NALF1: variants seen among roughly 807,000 people sequenced by gnomAD.
NALF1 encodes the protein NALCN channel auxiliary factor 1, also known as family with sequence similarity 155 member A.
NALF1 carries 3 observed loss-of-function variants against 48.4 expected under a neutral mutation model. That is an observed-to-expected ratio of 0.06 (90% CI 0.03 to 0.16). The LOEUF (loss-of-function observed/expected upper bound fraction) is 0.16. NALF1 is among the 10% of genes least tolerant of loss of function. The pLI is 1.00. For synonymous variants in NALF1, 262 were observed against 245.7 expected (o/e 1.07, Z -0.62); for missense variants, 526 against 571.5 (o/e 0.92, Z 0.81).
intron 1 of NALF1, among the ~76,000 whole-genome samples, chr13:107,846,335 A>T (rs1157266925): frequency 6.6e-6 from 1 of 152,210 alleles, no homozygotes; most frequent in African/African-American, 2.4e-5. Flanking sequence ...GCACTGCTGA[A>T]CCACAAAAGG....
chr13:107,469,887 G>A (rs1594080183), intron 1 of NALF1, among the ~76,000 whole-genome samples: 1 of 151,844 alleles, frequency 6.6e-6, no homozygotes, highest in African/African-American at 2.4e-5. Context: ...GGGACTACAG[G>A]TGCCTGCCAC....
chr13:107,190,733 T>C (rs946760182), intron 2 of NALF1, among the ~76,000 whole-genome samples: 2 of 152,206 alleles, frequency 1.3e-5, no homozygotes, highest in African/African-American at 2.4e-5. Flanking sequence ...AATAATCTGT[T>C]ACCTTTATTT....
At chr13:107,692,359 A>G (rs909822929) in intron 1 of NALF1, among the ~76,000 whole-genome samples, 1 of 149,192 alleles carries the variant, frequency 6.7e-6, no homozygotes, top group Non-Finnish European at 1.5e-5. Context: ...GTTCTGTGTG[A>G]AAAAAAAATG....
intron 1 of NALF1, among the ~76,000 whole-genome samples, chr13:107,417,177 T>C (rs1054377382): frequency 6.6e-6 from 1 of 152,260 alleles, no homozygotes; most frequent in Non-Finnish European, 1.5e-5. Flanking sequence ...TTTCTAATAA[T>C]GCAGAAGTTT....
chr13:107,666,445 A>G (rs765252362), intron 1 of NALF1, among the ~76,000 whole-genome samples: 11 of 152,142 alleles, frequency 7.2e-5, no homozygotes, highest in South Asian at 2.1e-4. Flanking sequence ...TCTTTATTAC[A>G]CTTGTTTAAC....
chr13:107,291,077 T>G (rs1881611541), intron 1 of NALF1, among the ~76,000 whole-genome samples: 1 of 151,024 alleles, frequency 6.6e-6, no homozygotes, highest in African/African-American at 2.4e-5. Flanking sequence ...CATTTCTTTC[T>G]CCTTAGGCAG....
intron 1 of NALF1, among the ~76,000 whole-genome samples, chr13:107,556,393 C>G (rs1877483942): frequency 6.6e-6 from 1 of 150,496 alleles, no homozygotes; most frequent in South Asian, 2.1e-4. Flanking sequence ...ATATTTGGAT[C>G]AGAACTTTTT....
At chr13:107,819,344 A>G (rs1879285535) in intron 1 of NALF1, among the ~76,000 whole-genome samples, 1 of 152,184 alleles carries the variant, frequency 6.6e-6, no homozygotes, top group South Asian at 2.1e-4. Context: ...TAAGCAAATT[A>G]ATGATTACAT....
At chr13:107,204,208 C>A (rs1424112456) in intron 2 of NALF1, among the ~76,000 whole-genome samples, 10 of 152,158 alleles carry the variant, frequency 6.6e-5, no homozygotes, top group Non-Finnish European at 1.5e-4. Context: ...ACAAGTGTCA[C>A]CCAGGTGAGC....
In NALF1 at chr13:107,215,519, A is replaced by T. The variant is rs549745910; in HGVS notation, c.916-4764T>A. Among the ~76,000 whole-genome samples the T allele has an allele frequency of 2.6e-5, 4 of 151,444 alleles. No individual in the cohort carries two copies. In the South Asian group the frequency reaches 6.2e-4, roughly 24 times the overall value. ...CTCTTAATGAAGATTTTTTTTTTTT[A>T]AAGCTTTGGTTATAACGGCACAGCC... On this transcript the variant is annotated intron_variant, in intron 1 of 2. Coordinates refer to ENST00000375915, the MANE Select transcript of NALF1 (RefSeq NM_001080396.3).
chr13:107,463,871 T>C (rs1488598637), intron 1 of NALF1, among the ~76,000 whole-genome samples: 1 of 152,202 alleles, frequency 6.6e-6, no homozygotes, highest in African/African-American at 2.4e-5. Flanking sequence ...CTTGATATAA[T>C]GATAAGGAAG....
At position 107,751,328 on chromosome 13, in the gene NALF1, T is replaced by C. The variant is rs376161220; in HGVS notation, c.915+114354A>G. Among the ~76,000 whole-genome samples the C allele has an allele frequency of 1.4e-3, 214 of 152,302 alleles. 2 individuals carry two copies. The highest frequency in any genetic ancestry group is 4.9e-3 in the African/African-American group (204 of 41,572). On this transcript the variant is annotated intron_variant, in intron 1 of 2. Coordinates refer to ENST00000375915, the MANE Select transcript of NALF1 (RefSeq NM_001080396.3). The stretch of plus-strand genomic sequence containing the variant: ...TATGGAAACCTTTCTGTGTTAAAAA[T>C]AATGGAAAACTGACCTTGAAGAATA...
intron 1 of NALF1, among the ~76,000 whole-genome samples, chr13:107,238,678 A>C (rs1880403607): frequency 6.6e-6 from 1 of 152,246 alleles, no homozygotes; most frequent in African/African-American, 2.4e-5. Flanking sequence ...GTACAAAAGC[A>C]ACAAGGAAAA....
At chr13:107,525,647 G>A (rs1253308427) in intron 1 of NALF1, among the ~76,000 whole-genome samples, 1 of 151,996 alleles carries the variant, frequency 6.6e-6, no homozygotes, top group Non-Finnish European at 1.5e-5. Flanking sequence ...GATTTTTTTA[G>A]TCAGATGATA....
chr13:107,778,711 G>A lies in NALF1; in HGVS notation c.915+86971C>T, dbSNP rs111637717. Among the ~76,000 whole-genome samples, 12 of 152,178 alleles carry A rather than the reference G, an allele frequency of 7.9e-5. 1 individual carries two copies. Among genetic ancestry groups the A allele is most frequent in the African/African-American group, 2.6e-4 (11 of 41,520 alleles). On this transcript the variant is annotated intron_variant, in intron 1 of 2. Coordinates refer to ENST00000375915, the MANE Select transcript of NALF1 (RefSeq NM_001080396.3). ...GGAGATGGAGACCATAAACCTTAGG[G>A]TCTCTCCCTATTCAAAGGCCCCATG...
At chr13:107,373,347 GAGA>G (rs554620968) in intron 1 of NALF1, among the ~76,000 whole-genome samples, 81 of 152,310 alleles carry the variant, frequency 5.3e-4, no homozygotes, top group African/African-American at 1.6e-3. Flanking sequence ...TTGAGACCTG[GAGA>G]AGGAGAGTAG....
chr13:107,444,900 A>G (rs1289962505), intron 1 of NALF1, among the ~76,000 whole-genome samples: 1 of 152,214 alleles, frequency 6.6e-6, no homozygotes, highest in East Asian at 1.9e-4. Context: ...ATCTACTCCT[A>G]CAAACACAGT....
chr13:107,491,522 A>T (rs1435128767), intron 1 of NALF1, among the ~76,000 whole-genome samples: 1 of 152,196 alleles, frequency 6.6e-6, no homozygotes, highest in Non-Finnish European at 1.5e-5. Context: ...AGCTCCCCAG[A>T]GGTACCCTGT....
At chr13:107,520,137 A>G (rs894168644) in intron 1 of NALF1, among the ~76,000 whole-genome samples, 1 of 152,198 alleles carries the variant, frequency 6.6e-6, no homozygotes, top group Non-Finnish European at 1.5e-5. Flanking sequence ...GTACTAGCTC[A>G]AGTTATACTT....
Sources: gnomAD v4.1 joint callset for allele counts (sites outside exome capture counted in the v4.1 genomes callset) on GRCh38, gnomAD v4.1.1 for gene constraint, MANE v1.5 for transcripts, NCBI Gene and HGNC (gene_info 2026-07-23, HGNC 2026-07-21) for gene names.